The following PIGQ variants were observed in gnomAD, a reference collection of about 807,000 sequenced individuals.
PIGQ encodes the protein phosphatidylinositol glycan anchor biosynthesis class Q, also known as phosphatidylinositol N-acetylglucosaminyltransferase subunit Q.
Under a neutral mutation model 60.3 loss-of-function variants are expected in PIGQ, and 54 were observed. The observed-to-expected ratio is 0.90, with a 90% CI of 0.72 to 1.12. The LOEUF is 1.12. Among genes scored for constraint, PIGQ ranks in the 50% most tolerant of loss-of-function variants. The pLI is 0.00. For missense variants in PIGQ, 799 were observed against 793.5 expected, an observed-to-expected ratio of 1.01 and a Z score of -0.08; for synonymous variants, 416 against 363.7, an observed-to-expected ratio of 1.14 and a Z score of -1.64.
At position 580,134 on chromosome 16, in the gene PIGQ, C is replaced by T. The variant is rs776321604; in HGVS notation, c.1336-49C>T. On this transcript the variant is annotated intron_variant, in intron 7 of 10. Coordinates refer to ENST00000321878, the MANE Select transcript of PIGQ (RefSeq NM_004204.5). ...GGGAGGGCACAGTGCTGGGCCGTCC[C>T]TGGGCGCGGGGTCCTGCTGATGCCC... is the stretch of plus-strand genomic sequence containing the variant. 4 of 1,497,166 alleles carry T rather than the reference C, an allele frequency of 2.7e-6. No homozygotes were observed. In the South Asian group the frequency reaches 3.6e-5, roughly 13 times the overall value. The allele number at this position is 1,497,166 out of a possible 1,614,324, so 92.7% of individuals were successfully genotyped here. A position where few individuals can be genotyped will look rare whatever the true frequency, so the allele number is the denominator to read the frequency against.
At chr16:579,477 T>C in intron 7 of PIGQ, 2 of 147,476 alleles carry the variant, frequency 1.4e-5, no homozygotes, top group South Asian at 1.2e-4. Flanking sequence ...GCCCGGAGAC[T>C]AGAGGTGCCC....
chr16:579,455 G>C, intron 7 of PIGQ: 2 of 244,340 alleles, frequency 8.2e-6, no homozygotes, highest in South Asian at 1.1e-4. Context: ...CCAGAGACTA[G>C]AGATGCCCCG....
intron 1 of PIGQ, among the ~76,000 whole-genome samples, chr16:572,202 T>A (rs1266020485): frequency 6.6e-6 from 1 of 152,216 alleles, no homozygotes; most frequent in Non-Finnish European, 1.5e-5. Context: ...CCAGACACGC[T>A]GGGCCCCTTG....
rs575409387 is a variant in PIGQ, at chr16:583,900, G to T, written c.*865G>T. ...CTGAGGCCGAAAGTGCCTGCCAGAC[G>T]GCACGGTCTGGGTGCGGGTGTTCCC... On this transcript the variant is annotated 3_prime_UTR_variant, in exon 11 of 11. Coordinates refer to ENST00000321878, the MANE Select transcript of PIGQ (RefSeq NM_004204.5). 7.5e-6 allele frequency: 4 copies of T among 534,838 alleles called. No individual in the cohort carries two copies. The Admixed American group carries it at 9.1e-5, about 12-fold the overall frequency. 33.1% of individuals were successfully genotyped at this position (534,838 alleles called of 1,614,324 possible). A position where few individuals can be genotyped will look rare whatever the true frequency, so the allele number is the denominator to read the frequency against.
intron 6 of PIGQ, 42 bp from the exon 7 acceptor site, chr16:579,027 G>C: frequency 6.5e-7 from 1 of 1,530,978 alleles, no homozygotes; most frequent in Non-Finnish European, 8.9e-7. Flanking sequence ...GGGGCGGGGC[G>C]GGGCGGGGCG....
chr16:582,816 C>T, intron 10 of PIGQ, 67 bp from the exon 11 acceptor site: 1 of 1,496,334 alleles, frequency 6.7e-7, no homozygotes, highest in Non-Finnish European at 9.0e-7. Context: ...TGCCCGCCCC[C>T]ACCCTCTCTC....
At chr16:581,266 G>A (rs1455892674) in intron 9 of PIGQ, 2 of 1,368,186 alleles carry the variant, frequency 1.5e-6, no homozygotes, top group South Asian at 1.3e-5. Flanking sequence ...CTGGGCTTGG[G>A]AGTCTGAACT....
intron 9 of PIGQ, among the ~76,000 whole-genome samples, chr16:581,501 C>T (rs1376855728): frequency 1.3e-5 from 2 of 151,370 alleles, no homozygotes; most frequent in Non-Finnish European, 2.9e-5. Context: ...CTCACTTTGT[C>T]GCCCAGGCTG....
At position 576,326 on chromosome 16, in the gene PIGQ, C is replaced by T. The variant is rs866360995; in HGVS notation, c.942+72C>T. ...CCCCTCCTGGGCAGCAGAGCCTTCC[C>T]GGGCCAGAGCCACCGCCCCACAAAG... On this transcript the variant is annotated intron_variant, in intron 4 of 10. Coordinates refer to ENST00000321878, the MANE Select transcript of PIGQ (RefSeq NM_004204.5). 173 of 1,473,216 alleles carry T rather than the reference C, an allele frequency of 1.2e-4. No homozygotes were observed. In the Middle Eastern group the frequency reaches 1.9e-3, roughly 17 times the overall value. The allele number at this position is 1,473,216 out of a possible 1,614,324, so 91.3% of individuals were successfully genotyped here.
At chr16:580,070 T>C in intron 7 of PIGQ, 113 bp from the exon 8 acceptor site, 1 of 719,344 alleles carries the variant, frequency 1.4e-6, no homozygotes, top group African/African-American at 1.8e-5. Context: ...CCGAGTTCCC[T>C]CAGGAAGCCG....
chr16:579,261 C>T (rs2035774519), intron 7 of PIGQ, 81 bp downstream of exon 7: 8 of 1,124,268 alleles, frequency 7.1e-6, no homozygotes, highest in Non-Finnish European at 1.1e-5. Context: ...TTGGGCACCA[C>T]AAGGGGGCAG....
At chr16:578,717 T>C (rs2035761158) in intron 5 of PIGQ, 68 bp from the exon 6 acceptor site, 7 of 1,539,686 alleles carry the variant, frequency 4.5e-6, no homozygotes, top group South Asian at 3.5e-5. Context: ...GTCCTGTGTG[T>C]GTGAGGGTTG....
At chr16:581,083 C>T (rs1484948769) in intron 9 of PIGQ, 111 bp downstream of exon 9, 149 of 1,355,312 alleles carry the variant, frequency 1.1e-4, no homozygotes, top group Middle Eastern at 1.9e-4. Flanking sequence ...GCCTGGAAGC[C>T]GTGGTATGCA....
intron 1 of PIGQ, among the ~76,000 whole-genome samples, chr16:572,957 G>A (rs2035658664): frequency 1.3e-5 from 2 of 152,244 alleles, no homozygotes; most frequent in African/African-American, 4.8e-5. Flanking sequence ...CACTCTTCGT[G>A]CAGGCGAGAT....
Position 579,368 on chromosome 16 carries a change from T to G in PIGQ, c.1335+188T>G, listed in dbSNP as rs900413470. 6.7e-6 allele frequency: 4 copies of G among 599,990 alleles called. No homozygotes were observed. In the Admixed American group the frequency reaches 1.1e-4, roughly 17 times the overall value. The allele number at this position is 599,990 out of a possible 1,614,324, so 37.2% of individuals were successfully genotyped here. On this transcript the variant is annotated intron_variant, in intron 7 of 10. Coordinates refer to ENST00000321878, the MANE Select transcript of PIGQ (RefSeq NM_004204.5). ...GTGGGGCTCTGAAGCAGCGCAGAGC[T>G]TCCCTGGGCCACAGAGAAGAGACAG... is the stretch of plus-strand genomic sequence containing the variant.
At position 574,095 on chromosome 16, in the gene PIGQ, C is replaced by G; in HGVS notation, c.21C>G (p.Phe7Leu). ...CCGGCATGGTGCTCAAGGCCTTCTT[C>G]CCCACGTGCTGCGTCTCGACGGACA... MVLKAF[F>L]PTCCVSTDSG... Residue 7 changes from phenylalanine to leucine, a missense_variant, in exon 2 of 11, where the codon TTC becomes TTG. Physicochemically the swap from Phe to Leu is conservative, Grantham distance 22 (BLOSUM62 0). Coordinates refer to ENST00000321878, the MANE Select transcript of PIGQ (RefSeq NM_004204.5). 6.2e-7 allele frequency: 1 copy of G among 1,606,148 alleles called. No homozygotes were observed. The highest frequency in any genetic ancestry group is 8.5e-7 in the Non-Finnish European group (1 of 1,177,210).
chr16:575,864 T>G lies in PIGQ; in HGVS notation c.715T>G (p.Phe239Val). 1 of 1,569,904 alleles carries G rather than the reference T, an allele frequency of 6.4e-7. No individual in the cohort carries two copies. The highest frequency in any genetic ancestry group is 2.3e-5 in the East Asian group (1 of 42,562). The change falls in exon 3 of 11, where the codon TTC (phenylalanine) becomes GTC (valine). Residue 239 changes from phenylalanine (F) to valine (V), a missense_variant. Transcript: ENST00000321878. The stretch of plus-strand genomic sequence containing the variant: ...AGTGTTCAAGCTCTGGCCCCTGTCC[T>G]TCCTCGGGAGCAAACTCTCCACGTG... ...CRVFKLWPLS[F>V]LGSKLSTCEQ...
Position 576,279 on chromosome 16 carries a change from G to A in PIGQ, c.942+25G>A, listed in dbSNP as rs1288160491. ...CGTGAGTGGACTGGGGTGGAGCCCG[G>A]TGTCCCGGGTGGGCGTGGGGACCCC... is the stretch of plus-strand genomic sequence containing the variant. On this transcript the variant is annotated intron_variant, in intron 4 of 10. Coordinates refer to ENST00000321878, the MANE Select transcript of PIGQ (RefSeq NM_004204.5). 1.9e-6 allele frequency: 3 copies of A among 1,549,266 alleles called. No individual in the cohort carries two copies. In the South Asian group the frequency reaches 3.6e-5, roughly 18 times the overall value.
In PIGQ at chr16:574,088, C is replaced by T. The variant is rs2035675375; in HGVS notation, c.14C>T (p.Ala5Val). ...CAGCCTCCCGGCATGGTGCTCAAGG[C>T]CTTCTTCCCCACGTGCTGCGTCTCG... MVLK[A>V]FFPTCCVSTD... Residue 5 changes from alanine (A) to valine (V), a missense_variant, in exon 2 of 11, where the codon GCC becomes GTC. Transcript: ENST00000321878. The T allele has an allele frequency of 1.2e-6, 2 of 1,604,352 alleles. No homozygotes were observed. The highest frequency in any genetic ancestry group is 2.7e-5 in the African/African-American group (2 of 74,930).
Sources: gnomAD v4.1 joint callset for allele counts (sites outside exome capture counted in the v4.1 genomes callset) on GRCh38, gnomAD v4.1.1 for gene constraint, MANE v1.5 for transcripts, NCBI Gene and HGNC (gene_info 2026-07-23, HGNC 2026-07-21) for gene names.